The following EBF4 variants were observed in gnomAD, a reference collection of about 807,000 sequenced individuals.
The protein encoded by EBF4 is transcription factor COE4.
EBF4 carries 34 observed loss-of-function variants against 67.1 expected under a neutral mutation model. The observed-to-expected ratio is 0.51, with a 90% CI of 0.39 to 0.67. EBF4 has a LOEUF of 0.67. EBF4 is among the 30% of genes least tolerant of loss of function. The probability of loss-of-function intolerance (pLI) is 0.00; values close to 1 mark genes in which losing one functional copy is unlikely to be tolerated. For synonymous variants in EBF4, 387 were observed against 377.7 expected, an observed-to-expected ratio of 1.02 and a Z score of -0.29; for missense variants, 837 against 873.3, an observed-to-expected ratio of 0.96 and a Z score of 0.52.
intron 1 of EBF4, among the ~76,000 whole-genome samples, chr20:2,698,433 G>A (rs568361478): frequency 6.6e-6 from 1 of 152,342 alleles, no homozygotes; most frequent in Admixed American, 6.5e-5. Context: ...GCATGTCAGG[G>A]GCTGGGCAGG....
At chr20:2,760,001 G>C (rs568455899), downstream of EBF4, 1 of 152,248 alleles carries the variant, frequency 6.6e-6, no homozygotes, top group Non-Finnish European at 1.5e-5. The surrounding 1 kb of genome is among the most constrained non-coding windows in gnomAD (Gnocchi z 4.2). Flanking sequence ...GGGCCCAGCC[G>C]CCCCCCAGGT....
chr20:2,698,834 T>C (rs561976428), intron 1 of EBF4, among the ~76,000 whole-genome samples: 6 of 152,218 alleles, frequency 3.9e-5, no homozygotes, highest in African/African-American at 4.8e-5. Context: ...CCTTGAGTTA[T>C]CAAGGCAGCC....
intron 6 of EBF4, among the ~76,000 whole-genome samples, chr20:2,746,083 G>A (rs1439522655): frequency 6.6e-6 from 1 of 152,190 alleles, no homozygotes; most frequent in African/African-American, 2.4e-5. Context: ...TGTGAGTAGG[G>A]AGTCTATACT....
exon 13 of EBF4, chr20:2,752,141 G>C (rs1232282456): frequency 1.9e-5 from 28 of 1,446,896 alleles, no homozygotes; most frequent in Non-Finnish European, 8.1e-6. Context: ...AGCACCCCCC[G>C]CGCACCCGGG....
intron 6 of EBF4, among the ~76,000 whole-genome samples, chr20:2,717,413 T>C (rs1232160452): frequency 1.3e-5 from 2 of 151,986 alleles, no homozygotes; most frequent in South Asian, 2.1e-4. Flanking sequence ...CAAATTAGGA[T>C]TGGGGGAATG....
intron 6 of EBF4, among the ~76,000 whole-genome samples, chr20:2,725,160 C>CT (rs2087731531): frequency 1.3e-5 from 2 of 152,166 alleles, no homozygotes; most frequent in African/African-American, 4.8e-5. Flanking sequence ...TGCTTTCTCT[C>CT]TTTTCTCTTC....
At chr20:2,723,668 G>C (rs2087713491) in intron 6 of EBF4, among the ~76,000 whole-genome samples, 1 of 152,160 alleles carries the variant, frequency 6.6e-6, no homozygotes, top group South Asian at 2.1e-4. Flanking sequence ...TCTTTTAATA[G>C]CACGTTGCTG....
intron 6 of EBF4, among the ~76,000 whole-genome samples, chr20:2,725,810 A>G (rs1224108664): frequency 6.6e-6 from 1 of 152,102 alleles, no homozygotes; most frequent in Non-Finnish European, 1.5e-5. Context: ...CGGTGTTTAT[A>G]TTGGCATTTG....
Position 2,707,252 on chromosome 20 carries a change from A to G in EBF4, c.415-695A>G, listed in dbSNP as rs1248163303. Among the ~76,000 whole-genome samples, 1 of 152,072 alleles carries G rather than the reference A, an allele frequency of 6.6e-6. No homozygotes were observed. Among genetic ancestry groups the G allele is most frequent in the African/African-American group, 2.4e-5 (1 of 41,386 alleles). ...AGGGGACGGGTGTGGAAGGGGTTCG[A>G]GGAAGTCCACAGAGAGAGGGATCCC... On this transcript the variant is annotated intron_variant, in intron 4 of 16. Transcript: ENST00000609451. The surrounding 1 kb of genome is among the most constrained non-coding windows in gnomAD (Gnocchi z 4.6).
intron 6 of EBF4, among the ~76,000 whole-genome samples, chr20:2,716,237 A>AT (rs1200520341): frequency 6.6e-6 from 1 of 151,042 alleles, no homozygotes; most frequent in African/African-American, 2.4e-5. Flanking sequence ...AAAAAAAAAA[A>AT]AAATCCTTGC....
intron 6 of EBF4, 73 bp from the exon 7 acceptor site, chr20:2,748,476 G>A (rs1220900120): frequency 1.4e-6 from 2 of 1,417,144 alleles, no homozygotes; most frequent in Non-Finnish European, 1.9e-6. Flanking sequence ...AGGGGGCATG[G>A]CAGGGAGCAG....
rs1194124629 is a variant in EBF4, at chr20:2,696,768, A to G, written c.137+2986A>G. On this transcript the variant is annotated intron_variant, in intron 1 of 16. Transcript: ENST00000609451. The surrounding 1 kb of genome is among the most constrained non-coding windows in gnomAD (Gnocchi z 4.7). ...CCTCTTACACCCACCGACCCCAGCA[A>G]CTGCTCTTTCTGTGCCCTCCCACCC... Among the ~76,000 whole-genome samples, 1 of 152,094 alleles carries G rather than the reference A, an allele frequency of 6.6e-6. No homozygotes were observed. Among genetic ancestry groups the G allele is most frequent in the East Asian group, 1.9e-4 (1 of 5,186 alleles).
chr20:2,748,413 A>T, intron 6 of EBF4, 136 bp from the exon 7 acceptor site: 3 of 770,570 alleles, frequency 3.9e-6, no homozygotes, highest in Non-Finnish European at 6.3e-6. Flanking sequence ...CATGATGGGA[A>T]TATGGGATGT....
intron 6 of EBF4, among the ~76,000 whole-genome samples, chr20:2,744,931 G>T (rs953049297): frequency 4.6e-5 from 7 of 152,298 alleles, no homozygotes; most frequent in South Asian, 2.1e-4. Flanking sequence ...GATTACTGAT[G>T]AATTATTTTA....
At position 2,747,843 on chromosome 20, in the gene EBF4, G is replaced by C. The variant is rs2088074509; in HGVS notation, c.558-706G>C. Among the ~76,000 whole-genome samples the C allele has an allele frequency of 6.6e-6, 1 of 152,190 alleles. No individual in the cohort carries two copies. Among genetic ancestry groups the C allele is most frequent in the Non-Finnish European group, 1.5e-5 (1 of 68,026 alleles). ...ACCGTGCATGATGGGTACAGGCTCT[G>C]TGTCTGCTTAGTATGCCATATGTGT... is the stretch of plus-strand genomic sequence containing the variant. On this transcript the variant is annotated intron_variant, in intron 6 of 16. Coordinates refer to ENST00000609451, the Ensembl canonical transcript of EBF4. The surrounding 1 kb of genome is among the most constrained non-coding windows in gnomAD (Gnocchi z 4.6).
rs998654699 is a variant in EBF4 at position 2,751,513 on chromosome 20, GA to G, written c.1019-184del. On this transcript the variant is annotated intron_variant, in intron 10 of 16. Transcript: ENST00000609451. This position sits in a 1 kb window ranked among gnomAD's most constrained non-coding sequence, Gnocchi z 5.2. ...TGTTGAGTAAACAAACGAAAGAACT[GA>G]AACTTCCCTGAATCTCGCTGCCGGG... Among the ~76,000 whole-genome samples, 3 of 152,168 alleles carry G rather than the reference GA, an allele frequency of 2.0e-5. No individual in the cohort carries two copies. Among genetic ancestry groups the G allele is most frequent in the African/African-American group, 4.8e-5 (2 of 41,444 alleles).
Position 2,734,876 on chromosome 20 carries a change from G to A in EBF4, c.558-13673G>A, listed in dbSNP as rs373629732. On this transcript the variant is annotated intron_variant, in intron 6 of 16. Transcript: ENST00000609451. ...TGACCTTCACTTCCTGCTTGCTCAGGGCCTTGGGATAAACCAGAGGTGAGA... is the reference window on the plus strand; with the variant it reads ...TGACCTTCACTTCCTGCTTGCTCAGAGCCTTGGGATAAACCAGAGGTGAGA... Among the ~76,000 whole-genome samples the A allele has an allele frequency of 6.6e-5, 10 of 152,226 alleles. No individual in the cohort carries two copies. The South Asian group carries it at 1.7e-3, about 25-fold the overall frequency.
At chr20:2,711,714 G>A (rs575357172) in intron 6 of EBF4, among the ~76,000 whole-genome samples, 9 of 152,252 alleles carry the variant, frequency 5.9e-5, no homozygotes, top group South Asian at 2.1e-4. Flanking sequence ...TAGACAAAAA[G>A]CCTTGTGTTC....
chr20:2,718,206 T>G (rs1049342798), intron 6 of EBF4, among the ~76,000 whole-genome samples: 3 of 152,260 alleles, frequency 2.0e-5, no homozygotes, highest in African/African-American at 7.2e-5. Context: ...CTTTACATTT[T>G]GTTAAGAATT....
Sources: allele counts gnomAD v4.1 joint callset (sites outside exome capture counted in the v4.1 genomes callset), GRCh38; gene constraint gnomAD v4.1.1; non-coding constraint Gnocchi (gnomAD v3.1); transcripts MANE v1.5; gene names NCBI Gene and HGNC (gene_info 2026-07-23, HGNC 2026-07-21).